The following ZNF469 variants were observed in gnomAD, a reference collection of about 807,000 sequenced individuals.
The protein encoded by ZNF469 is zinc finger protein 469.
ZNF469 carries 1 observed loss-of-function variant against 1.0 expected under a neutral mutation model. That is an observed-to-expected ratio of 1.00 (90% CI 0.35 to 4.73). ZNF469 has a LOEUF of 4.73. Ranked by LOEUF, ZNF469 falls within the 30% of genes most tolerant of loss-of-function variation. The pLI, the probability that ZNF469 is intolerant of heterozygous loss-of-function variation, is 0.16. For synonymous variants in ZNF469, 2,703 were observed against 2,363.4 expected, an observed-to-expected ratio of 1.14 and a Z score of -4.17; for missense variants, 6,100 against 5,356.3, an observed-to-expected ratio of 1.14 and a Z score of -4.33.
chr16:88,339,865 A>G, the ZNF469 span, among the ~76,000 whole-genome samples: 26,912 of 129,528 alleles, frequency 0.21, 3,626 homozygotes, highest in African/African-American at 0.38. Context: ...GCAGGAGGTC[A>G]GGGGACAGAG....
At chr16:88,130,843 A>T in the ZNF469 span, among the ~76,000 whole-genome samples, 1 of 152,160 alleles carries the variant, frequency 6.6e-6, no homozygotes, top group Non-Finnish European at 1.5e-5. Flanking sequence ...GGCGCTGGGA[A>T]ACGACGCTGC....
the ZNF469 span, among the ~76,000 whole-genome samples, chr16:88,256,748 G>A: frequency 1.3e-5 from 2 of 152,080 alleles, no homozygotes; most frequent in Non-Finnish European, 2.9e-5. Flanking sequence ...TTTTAGCCAC[G>A]CTGTTAGGTG....
chr16:88,358,787 C>T, the ZNF469 span, among the ~76,000 whole-genome samples: 10 of 150,818 alleles, frequency 6.6e-5, no homozygotes, highest in African/African-American at 1.2e-4. Context: ...GGTGTGATCT[C>T]GGCTCACTGC....
At chr16:88,240,552 G>T in the ZNF469 span, among the ~76,000 whole-genome samples, 1 of 152,120 alleles carries the variant, frequency 6.6e-6, no homozygotes, top group South Asian at 2.1e-4. Flanking sequence ...CAGAACGTGG[G>T]GTCCACAGAG....
the ZNF469 span, among the ~76,000 whole-genome samples, chr16:88,170,963 C>G: frequency 6.6e-6 from 1 of 152,240 alleles, no homozygotes; most frequent in African/African-American, 2.4e-5. The surrounding 1 kb of genome is among the most constrained non-coding windows in gnomAD (Gnocchi z 4.2). Context: ...AGGCCAGGGT[C>G]CAGGCACAGG....
At chr16:88,344,176 G>A in the ZNF469 span, among the ~76,000 whole-genome samples, 4 of 151,324 alleles carry the variant, frequency 2.6e-5, no homozygotes, top group Admixed American at 2.6e-4. Context: ...AATTTGTCAC[G>A]GCCCAGAGGA....
At chr16:88,218,218 T>C in the ZNF469 span, among the ~76,000 whole-genome samples, 1 of 148,676 alleles carries the variant, frequency 6.7e-6, no homozygotes, top group African/African-American at 2.5e-5. Flanking sequence ...TTTCATGTGT[T>C]TTTTGGCTGC....
the ZNF469 span, among the ~76,000 whole-genome samples, chr16:88,327,569 C>T: frequency 3.3e-5 from 5 of 152,086 alleles, no homozygotes; most frequent in African/African-American, 7.2e-5. Context: ...GGGGTCTGTG[C>T]TCACGGTGGG....
the ZNF469 span, among the ~76,000 whole-genome samples, chr16:88,203,219 G>A: frequency 1.3e-5 from 2 of 152,162 alleles, no homozygotes; most frequent in African/African-American, 4.8e-5. Flanking sequence ...CCCCCAGGGA[G>A]GGAGGAGCCC....
At chr16:88,305,357 CAT>C in the ZNF469 span, among the ~76,000 whole-genome samples, 5 of 149,842 alleles carry the variant, frequency 3.3e-5, no homozygotes, top group Admixed American at 6.6e-5. Context: ...CATGCACACA[CAT>C]GCTCACAGGC....
At chr16:88,335,079 A>G in the ZNF469 span, among the ~76,000 whole-genome samples, 5 of 152,226 alleles carry the variant, frequency 3.3e-5, no homozygotes, top group Non-Finnish European at 7.3e-5. Context: ...AGGACCCACC[A>G]GAGCCTTTGG....
At chr16:88,179,347 C>T in the ZNF469 span, among the ~76,000 whole-genome samples, 1 of 152,128 alleles carries the variant, frequency 6.6e-6, no homozygotes, top group South Asian at 2.1e-4. Context: ...AGAGCGTGGC[C>T]CCTCCCTCCC....
the ZNF469 span, among the ~76,000 whole-genome samples, chr16:88,286,629 G>A: frequency 3.2e-4 from 49 of 152,382 alleles, 2 homozygotes; most frequent in African/African-American, 1.2e-3. Context: ...GGAACATTCT[G>A]CATTCAGTGC....
the ZNF469 span, among the ~76,000 whole-genome samples, chr16:88,205,325 G>A: frequency 6.6e-6 from 1 of 152,158 alleles, no homozygotes; most frequent in Non-Finnish European, 1.5e-5. The surrounding 1 kb of genome is among the most constrained non-coding windows in gnomAD (Gnocchi z 4.2). Flanking sequence ...GCCTCCTGAG[G>A]CACAGCAGGG....
chr16:88,302,231 C>G, the ZNF469 span, among the ~76,000 whole-genome samples: 1 of 152,232 alleles, frequency 6.6e-6, no homozygotes, highest in Admixed American at 6.5e-5. Flanking sequence ...CCGCTGTTCC[C>G]GCTGCTGTCG....
At chr16:88,247,027 A>G in the ZNF469 span, among the ~76,000 whole-genome samples, 1,384 of 149,598 alleles carry the variant, frequency 9.3e-3, 10 homozygotes, top group African/African-American at 0.015. Flanking sequence ...GAGTGAGTGA[A>G]TGAGTGAATG....
the ZNF469 span, among the ~76,000 whole-genome samples, chr16:88,329,136 G>A: frequency 2.6e-5 from 4 of 152,234 alleles, no homozygotes; most frequent in South Asian, 6.2e-4. Context: ...TCTGTGTGTC[G>A]ACCCTCACTG....
At chr16:88,376,597 C>A in the ZNF469 span, among the ~76,000 whole-genome samples, 4 of 152,234 alleles carry the variant, frequency 2.6e-5, no homozygotes, top group African/African-American at 9.6e-5. Flanking sequence ...CCTCTGTTTT[C>A]TTTTCATTAG....
chr16:88,295,890 C>T, the ZNF469 span, among the ~76,000 whole-genome samples: 5 of 152,336 alleles, frequency 3.3e-5, no homozygotes, highest in Middle Eastern at 3.4e-3. Flanking sequence ...TCTCAACCTG[C>T]GTTCTGTCGC....
Sources: allele counts gnomAD v4.1 joint callset (sites outside exome capture counted in the v4.1 genomes callset), GRCh38; gene constraint gnomAD v4.1.1; non-coding constraint Gnocchi (gnomAD v3.1); transcripts MANE v1.5; gene names NCBI Gene and HGNC (gene_info 2026-07-23, HGNC 2026-07-21).